Variants in CTNND2 observed in about 807,000 individuals in gnomAD.
The protein encoded by CTNND2 is catenin delta-2.
In CTNND2, 22 loss-of-function variants were observed where a neutral mutation model predicts 144.4. The observed-to-expected ratio is 0.15, with a 90% CI of 0.11 to 0.22. The LOEUF (loss-of-function observed/expected upper bound fraction) is 0.22. Among genes scored for constraint, CTNND2 ranks in the 10% least tolerant of loss-of-function variants. The pLI is 1.00. For missense variants in CTNND2, 1,353 were observed against 1,618.8 expected, an observed-to-expected ratio of 0.84 and a Z score of 2.82; for synonymous variants, 751 against 695.6, an observed-to-expected ratio of 1.08 and a Z score of -1.25.
At chr5:11,073,479 A>G (rs1271345285) in intron 16 of CTNND2, among the ~76,000 whole-genome samples, 1 of 152,210 alleles carries the variant, frequency 6.6e-6, no homozygotes, top group Non-Finnish European at 1.5e-5. Context: ...ATTTGAATCA[A>G]CTGGAAATGT....
At chr5:11,662,249 A>ATG (rs1380956182) in intron 2 of CTNND2, among the ~76,000 whole-genome samples, 3 of 133,372 alleles carry the variant, frequency 2.2e-5, no homozygotes, top group East Asian at 4.0e-4. Flanking sequence ...ATATACATAT[A>ATG]TGTGTGTATA....
At chr5:11,524,488 G>A (rs1273193179) in intron 3 of CTNND2, among the ~76,000 whole-genome samples, 2 of 152,174 alleles carry the variant, frequency 1.3e-5, no homozygotes, top group African/African-American at 4.8e-5. Context: ...TCCTCCCTGG[G>A]TTAATGGAGG....
At position 11,735,836 on chromosome 5, in the gene CTNND2, T is replaced by C. The variant is rs536790035; in HGVS notation, c.38-3564A>G. On this transcript the variant is annotated intron_variant, in intron 1 of 21. Transcript: ENST00000304623. ...AGTCCATGAAAACTCTTTTTCTCTA[T>C]AAATTACTCAGTCTTAGGTATGTCT... Among the ~76,000 whole-genome samples the C allele has an allele frequency of 2.0e-5, 3 of 152,334 alleles. No individual in the cohort carries two copies. The East Asian group carries it at 5.8e-4, about 29-fold the overall frequency.
At chr5:10,983,965 C>T (rs766359593) in intron 20 of CTNND2, among the ~76,000 whole-genome samples, 22 of 152,120 alleles carry the variant, frequency 1.4e-4, no homozygotes, top group Non-Finnish European at 2.5e-4. Context: ...TGTTTAGCTT[C>T]GGTGAGGTTG....
chr5:11,358,314 T>G (rs2149760164), intron 8 of CTNND2, among the ~76,000 whole-genome samples: 1 of 152,314 alleles, frequency 6.6e-6, no homozygotes, highest in East Asian at 1.9e-4. Flanking sequence ...ACTAAACAAT[T>G]AGACTTCTTA....
intron 9 of CTNND2, among the ~76,000 whole-genome samples, chr5:11,297,360 G>C (rs948347318): frequency 2.6e-5 from 4 of 152,164 alleles, no homozygotes; most frequent in Non-Finnish European, 4.4e-5. Context: ...TGTGTAGCCA[G>C]ATCTTCTTGA....
intron 3 of CTNND2, among the ~76,000 whole-genome samples, chr5:11,502,336 T>C (rs1039297452): frequency 2.6e-5 from 4 of 152,180 alleles, no homozygotes; most frequent in African/African-American, 9.7e-5. Flanking sequence ...TTACCTTTCT[T>C]CATGGAAATT....
At chr5:11,016,308 A>G (rs184804968) in intron 18 of CTNND2, among the ~76,000 whole-genome samples, 1 of 152,352 alleles carries the variant, frequency 6.6e-6, no homozygotes, top group African/African-American at 2.4e-5. Flanking sequence ...AAAATTTTGA[A>G]AGAGAAATAT....
chr5:11,046,276 A>C (rs538439780), intron 16 of CTNND2, among the ~76,000 whole-genome samples: 1 of 152,324 alleles, frequency 6.6e-6, no homozygotes, highest in African/African-American at 2.4e-5. Context: ...ATAGATGCAC[A>C]CAAGGAAAGC....
intron 1 of CTNND2, among the ~76,000 whole-genome samples, chr5:11,763,900 A>C (rs930009088): frequency 6.6e-6 from 1 of 151,892 alleles, no homozygotes; most frequent in Non-Finnish European, 1.5e-5. Context: ...AGGGTCCACA[A>C]CTCTGCAGTC....
At chr5:11,339,810 A>G (rs1754063509) in intron 9 of CTNND2, among the ~76,000 whole-genome samples, 1 of 152,184 alleles carries the variant, frequency 6.6e-6, no homozygotes, top group African/African-American at 2.4e-5. Context: ...TGGCACCTTG[A>G]TCTTGGACTT....
intron 16 of CTNND2, among the ~76,000 whole-genome samples, chr5:11,041,723 G>A (rs564618977): frequency 7.2e-5 from 11 of 152,128 alleles, no homozygotes; most frequent in Non-Finnish European, 1.5e-4. Flanking sequence ...ACCACACAAG[G>A]TAAGAAGGTA....
intron 1 of CTNND2, among the ~76,000 whole-genome samples, chr5:11,804,969 T>C (rs1791910690): frequency 6.6e-6 from 1 of 152,190 alleles, no homozygotes; most frequent in East Asian, 1.9e-4. Context: ...ACTTTGGAAA[T>C]GAATGGCGAT....
chr5:11,472,534 C>T (rs1767329255), intron 3 of CTNND2, among the ~76,000 whole-genome samples: 1 of 152,070 alleles, frequency 6.6e-6, no homozygotes, highest in African/African-American at 2.4e-5. Context: ...GGAGAACTTG[C>T]ATCTTTTCAA....
chr5:11,632,731 C>T (rs1561639754), intron 2 of CTNND2, among the ~76,000 whole-genome samples: 1 of 152,036 alleles, frequency 6.6e-6, no homozygotes, highest in Admixed American at 6.6e-5. Flanking sequence ...GGAAACCATG[C>T]TTTAAACCAT....
intron 2 of CTNND2, among the ~76,000 whole-genome samples, chr5:11,728,916 T>C (rs1310514140): frequency 6.6e-6 from 1 of 152,172 alleles, no homozygotes; most frequent in Non-Finnish European, 1.5e-5. Flanking sequence ...TAGCTTTCAC[T>C]CTACAGATAA....
chr5:11,516,476 T>A (rs1325576785), intron 3 of CTNND2, among the ~76,000 whole-genome samples: 1 of 152,192 alleles, frequency 6.6e-6, no homozygotes, highest in Non-Finnish European at 1.5e-5. Flanking sequence ...GTTGAACTGA[T>A]AATCAACTTC....
intron 2 of CTNND2, among the ~76,000 whole-genome samples, chr5:11,643,409 C>T (rs951538033): frequency 1.5e-5 from 2 of 131,416 alleles, no homozygotes; most frequent in African/African-American, 2.9e-5. Flanking sequence ...CAACAGTTCC[C>T]GGTGTGTGGT....
chr5:11,560,775 G>A (rs1216384837), intron 3 of CTNND2, among the ~76,000 whole-genome samples: 1 of 152,182 alleles, frequency 6.6e-6, no homozygotes, highest in Admixed American at 6.5e-5. Context: ...AAAGAGGGAG[G>A]ATATTCTAGG....
Sources: gnomAD v4.1 joint callset for allele counts (sites outside exome capture counted in the v4.1 genomes callset) on GRCh38, gnomAD v4.1.1 for gene constraint, MANE v1.5 for transcripts, NCBI Gene and HGNC (gene_info 2026-07-23, HGNC 2026-07-21) for gene names.